ADCY9: variants seen among roughly 807,000 people sequenced by gnomAD.
ADCY9 encodes the protein adenylate cyclase type 9.
A neutral mutation model predicts 101.5 loss-of-function variants in ADCY9; 50 were observed. The ratio of observed to expected loss-of-function variants is 0.49; its 90% CI spans 0.39 to 0.62. The LOEUF is 0.62. ADCY9 is among the 20% of genes least tolerant of loss of function. The pLI, the probability that ADCY9 is intolerant of heterozygous loss-of-function variation, is 0.00. For missense variants in ADCY9, 1,662 were observed against 1,800.4 expected (o/e 0.92, Z 1.39); for synonymous variants, 905 against 769.3 (o/e 1.18, Z -2.92).
intron 2 of ADCY9, among the ~76,000 whole-genome samples, chr16:4,072,909 A>G (rs2056843299): frequency 6.6e-6 from 1 of 151,830 alleles, no homozygotes. Flanking sequence ...AACAAAAGCC[A>G]GAAGGCAGTG....
chr16:4,031,531 A>G (rs2056555102), intron 2 of ADCY9, among the ~76,000 whole-genome samples: 1 of 152,194 alleles, frequency 6.6e-6, no homozygotes, highest in Non-Finnish European at 1.5e-5. Context: ...GAAGTGGGAT[A>G]TTAGTGTTCA....
chr16:4,105,748 G>A (rs551562277), intron 2 of ADCY9, among the ~76,000 whole-genome samples: 3 of 151,750 alleles, frequency 2.0e-5, no homozygotes, highest in South Asian at 4.2e-4. Context: ...TGAAGAGGCT[G>A]ACATGGAAGG....
intron 2 of ADCY9, among the ~76,000 whole-genome samples, chr16:4,057,585 A>G (rs975982336): frequency 3.9e-5 from 6 of 152,164 alleles, no homozygotes; most frequent in Non-Finnish European, 8.8e-5. Context: ...TGCATTCTGT[A>G]GGAAATGCTT....
chr16:4,027,215 G>A (rs1272811111), intron 2 of ADCY9, among the ~76,000 whole-genome samples: 2 of 152,198 alleles, frequency 1.3e-5, no homozygotes, highest in Non-Finnish European at 2.9e-5. Context: ...CTCCCACTCC[G>A]TGGAGTGTAC....
At chr16:4,092,853 A>G (rs1286779530) in intron 2 of ADCY9, among the ~76,000 whole-genome samples, 1 of 152,208 alleles carries the variant, frequency 6.6e-6, no homozygotes, top group East Asian at 1.9e-4. Context: ...AATGTAACGA[A>G]GTAAAAACCA....
intron 2 of ADCY9, among the ~76,000 whole-genome samples, chr16:4,046,744 T>G (rs1433812467): frequency 1.3e-5 from 2 of 152,208 alleles, no homozygotes; most frequent in African/African-American, 2.4e-5. Flanking sequence ...CGAGGTGACA[T>G]GATCCTTTTC....
chr16:4,075,426 A>G (rs368316609), intron 2 of ADCY9, among the ~76,000 whole-genome samples: 18 of 152,332 alleles, frequency 1.2e-4, no homozygotes, highest in African/African-American at 4.3e-4. Context: ...GGCATGAGCC[A>G]CCGTGCCTGG....
At position 3,977,625 on chromosome 16, in the gene ADCY9, T is replaced by C. The variant is rs754261607; in HGVS notation, c.2685A>G (p.Pro895=). The change falls in exon 9 of 11, where the codon CCA becomes CCG. Residue 895 remains proline, a synonymous_variant. Transcript: ENST00000294016. ...TSEYETNIHF[P]VFTGSAALIA... ...TCAGCGCGGCCGAGCCTGTGAACACTGGGAACTGCAAGAGGCGAAGGGTTA... is the reference window on the plus strand; with the variant it reads ...TCAGCGCGGCCGAGCCTGTGAACACCGGGAACTGCAAGAGGCGAAGGGTTA... 2 of 1,612,924 alleles carry C rather than the reference T, an allele frequency of 1.2e-6. No individual in the cohort carries two copies. Among genetic ancestry groups the C allele is most frequent in the East Asian group, 2.2e-5 (1 of 44,874 alleles).
intron 2 of ADCY9, among the ~76,000 whole-genome samples, chr16:4,072,870 A>G (rs1167502910): frequency 6.6e-6 from 1 of 152,064 alleles, no homozygotes; most frequent in Non-Finnish European, 1.5e-5. Context: ...GAACAAAGAA[A>G]AGAATTATAG....
chr16:3,972,710 CT>C (rs1212526459), intron 10 of ADCY9, among the ~76,000 whole-genome samples: 3 of 152,066 alleles, frequency 2.0e-5, no homozygotes, highest in African/African-American at 7.2e-5. Context: ...TCGGTTGACA[CT>C]TTGGTATATT....
At chr16:3,989,449 G>A (rs1303781645) in intron 5 of ADCY9, among the ~76,000 whole-genome samples, 2 of 152,160 alleles carry the variant, frequency 1.3e-5, no homozygotes, top group East Asian at 1.9e-4. Flanking sequence ...AGCGATCTTG[G>A]CTCACTGCAA....
At position 4,116,119 on chromosome 16, in the gene ADCY9, C is replaced by A. The variant is rs951893211; in HGVS notation, c.-473G>T. 1 of 145,956 alleles carries A rather than the reference C, an allele frequency of 6.9e-6. No individual in the cohort carries two copies. The highest frequency in any genetic ancestry group is 2.5e-5 in the African/African-American group (1 of 40,752). 9.0% of individuals were successfully genotyped at this position (145,956 alleles called of 1,614,324 possible). A position where few individuals can be genotyped will look rare whatever the true frequency, so the allele number is the denominator to read the frequency against. On this transcript the variant is annotated 5_prime_UTR_variant, in exon 1 of 11. Coordinates refer to ENST00000294016, the MANE Select transcript of ADCY9 (RefSeq NM_001116.4). Reference sequence around the variant, plus strand: ...CCCCGGGCTGCGAGTGCGCGGAGCCCGTCGGCGCGGCCCGTCTAGTGGGGC... The same window carrying A: ...CCCCGGGCTGCGAGTGCGCGGAGCCAGTCGGCGCGGCCCGTCTAGTGGGGC...
At chr16:3,962,146 A>C (rs1298877542), downstream of ADCY9, among the ~76,000 whole-genome samples, 1 of 152,222 alleles carries the variant, frequency 6.6e-6, no homozygotes, top group African/African-American at 2.4e-5. Context: ...ACTCCCAAGA[A>C]GTGTAGAAAA....
chr16:4,033,739 G>A (rs1224613047), intron 2 of ADCY9, among the ~76,000 whole-genome samples: 1 of 152,166 alleles, frequency 6.6e-6, no homozygotes, highest in African/African-American at 2.4e-5. Flanking sequence ...TTCTTCGTCA[G>A]TTCATGGACT....
chr16:4,114,570 G>A lies in ADCY9; in HGVS notation c.873C>T (p.Ile291=). The A allele has an allele frequency of 6.2e-7, 1 of 1,614,030 alleles. No homozygotes were observed. The change falls in exon 2 of 11, where the codon ATC becomes ATT. Residue 291 remains isoleucine, a synonymous_variant. Coordinates refer to ENST00000294016, the MANE Select transcript of ADCY9 (RefSeq NM_001116.4). The surrounding 1 kb of genome is among the most constrained non-coding windows in gnomAD (Gnocchi z 4.3). ...LLSRGLLHGC[I]HAIGVHLFVM... is the part of the protein sequence containing the mutation. ...CGAACAGGTGGACCCCGATGGCGTG[G>A]ATGCAGCCGTGGAGCAGCCCCCTGC...
downstream of ADCY9, among the ~76,000 whole-genome samples, chr16:3,957,823 C>A (rs2055915699): frequency 6.6e-6 from 1 of 151,998 alleles, no homozygotes; most frequent in South Asian, 2.1e-4. Context: ...CATTTCGCTC[C>A]TCTCTCCCTG....
intron 2 of ADCY9, among the ~76,000 whole-genome samples, chr16:4,065,722 C>T (rs1251874870): frequency 6.6e-6 from 1 of 152,252 alleles, no homozygotes; most frequent in Non-Finnish European, 1.5e-5. Flanking sequence ...GCATGAGCCA[C>T]CACACCTGGC....
rs372781931 is a variant in ADCY9 at position 4,097,928 on chromosome 16, G to C, written c.1693+15822C>G. On this transcript the variant is annotated intron_variant, in intron 2 of 10. Coordinates refer to ENST00000294016, the MANE Select transcript of ADCY9 (RefSeq NM_001116.4). The stretch of plus-strand genomic sequence containing the variant: ...ATGCCTGGCTATATTCCCAGCGCTA[G>C]GAACACAGCAGGAAGTAAAACATGG... Among the ~76,000 whole-genome samples the C allele has an allele frequency of 3.9e-4, 60 of 152,200 alleles. No individual in the cohort carries two copies. The East Asian group carries it at 4.2e-3, about 11-fold the overall frequency.
At position 3,992,932 on chromosome 16, in the gene ADCY9, G is replaced by A. The variant is rs1169101899; in HGVS notation, c.1989+474C>T. Among the ~76,000 whole-genome samples, 3 of 152,056 alleles carry A rather than the reference G, an allele frequency of 2.0e-5. No individual in the cohort carries two copies. The highest frequency in any genetic ancestry group is 4.8e-5 in the African/African-American group (2 of 41,408). ...AGGTGAGTCGCCTGCATGAGCCCCCGCCGACAGGCTCTCGCGGGTGGGCTG... is the reference window on the plus strand; with the variant it reads ...AGGTGAGTCGCCTGCATGAGCCCCCACCGACAGGCTCTCGCGGGTGGGCTG... On this transcript the variant is annotated intron_variant, in intron 4 of 10. Transcript: ENST00000294016. The surrounding 1 kb of genome is among the most constrained non-coding windows in gnomAD (Gnocchi z 4.2).
Sources: gnomAD v4.1 joint callset for allele counts (sites outside exome capture counted in the v4.1 genomes callset) on GRCh38, gnomAD v4.1.1 for gene constraint, Gnocchi (gnomAD v3.1) non-coding constraint, MANE v1.5 for transcripts, NCBI Gene and HGNC (gene_info 2026-07-23, HGNC 2026-07-21) for gene names.